SLC31A1: variants seen among roughly 807,000 people sequenced by gnomAD.
SLC31A1 encodes the protein solute carrier family 31 member 1.
Under a neutral mutation model 17.2 loss-of-function variants are expected in SLC31A1, and 5 were observed. That is an observed-to-expected ratio of 0.29 (90% CI 0.15 to 0.61). The LOEUF (loss-of-function observed/expected upper bound fraction) is 0.61, where lower values mean the gene tolerates loss of function less well. Among genes scored for constraint, SLC31A1 ranks in the 20% least tolerant of loss-of-function variants. SLC31A1 has a pLI of 0.86. For missense variants in SLC31A1, 161 were observed against 241.4 expected, an observed-to-expected ratio of 0.67 and a Z score of 2.21; for synonymous variants, 76 against 78.8, an observed-to-expected ratio of 0.96 and a Z score of 0.19.
chr9:113,258,796 G>A lies in SLC31A1; in HGVS notation c.305G>A (p.Arg102His), dbSNP rs755932953. 9 of 1,614,198 alleles carry A rather than the reference G, an allele frequency of 5.6e-6. No homozygotes were observed. The highest frequency in any genetic ancestry group is 2.2e-5 in the East Asian group (1 of 44,882). ...CTGCGTAAGTCACAAGTCAGCATTC[G>A]CTACAATTCCATGCCTGTCCCAGGA... ...SLLRKSQVSI[R>H]YNSMPVPGPN... Residue 102 changes from arginine to histidine, a missense_variant, in exon 4 of 5, where the codon CGC becomes CAC. Transcript: ENST00000374212. The surrounding 1 kb of genome is among the most constrained non-coding windows in gnomAD (Gnocchi z 4.8).
rs1034685621 is a variant in SLC31A1, at chr9:113,248,578, C to G, written c.-35-7536C>G. Among the ~76,000 whole-genome samples, 6 of 141,246 alleles carry G rather than the reference C, an allele frequency of 4.2e-5. No homozygotes were observed. The East Asian group carries it at 1.4e-3, about 33-fold the overall frequency. 92.7% of individuals were successfully genotyped at this position (141,246 alleles called of 152,430 possible). On this transcript the variant is annotated intron_variant, in intron 1 of 4. Coordinates refer to ENST00000374212, the MANE Select transcript of SLC31A1 (RefSeq NM_001859.4). ...TGGCCTCCCAGGTTCAAGTGATTCT[C>G]TTGCCTCAGCCTCCCAAGTAGCTAG...
intron 1 of SLC31A1, 91 bp from the exon 2 acceptor site, chr9:113,256,023 C>A: frequency 1.0e-6 from 1 of 963,254 alleles, no homozygotes; most frequent in Non-Finnish European, 1.5e-6. Context: ...CCAGCCTGGG[C>A]AACATAGCAA....
At chr9:113,241,384 A>G (rs1408529126) in intron 1 of SLC31A1, among the ~76,000 whole-genome samples, 1 of 152,202 alleles carries the variant, frequency 6.6e-6, no homozygotes, top group Non-Finnish European at 1.5e-5. Flanking sequence ...TCAAATAGCA[A>G]GATTCAGATT....
intron 3 of SLC31A1, among the ~76,000 whole-genome samples, chr9:113,257,696 C>T (rs145234425): frequency 0.06 from 9,051 of 151,922 alleles, 316 homozygotes; most frequent in African/African-American, 0.082. Flanking sequence ...CCATGTTTGC[C>T]AGGCTGGTCT....
chr9:113,257,272 T>C lies in SLC31A1; in HGVS notation c.202+87T>C, dbSNP rs1489827674. 3.7e-6 allele frequency: 4 copies of C among 1,086,032 alleles called. No homozygotes were observed. The South Asian group carries it at 5.0e-5, about 14-fold the overall frequency. The allele number at this position is 1,086,032 out of a possible 1,614,324, so 67.3% of individuals were successfully genotyped here. On this transcript the variant is annotated intron_variant, in intron 3 of 4. Coordinates refer to ENST00000374212, the MANE Select transcript of SLC31A1 (RefSeq NM_001859.4). ...TTTGGAAGTCCAGCACCTCTTTCTG[T>C]CCTAATTACTAAGTCAACATGGTAA... is the stretch of plus-strand genomic sequence containing the variant.
At chr9:113,245,641 T>G (rs958483394) in intron 1 of SLC31A1, among the ~76,000 whole-genome samples, 3 of 151,996 alleles carry the variant, frequency 2.0e-5, no homozygotes, top group South Asian at 2.1e-4. Flanking sequence ...CCACTAAGTT[T>G]TTTTTTTTTT....
chr9:113,257,020 C>A, intron 2 of SLC31A1, 93 bp from the exon 3 acceptor site: 1 of 1,035,390 alleles, frequency 9.7e-7, no homozygotes, highest in South Asian at 1.3e-5. Context: ...TTATCCAGAT[C>A]TTCTACTTTT....
chr9:113,221,857 C>T (rs1430637544), intron 1 of SLC31A1, among the ~76,000 whole-genome samples, 179 bp downstream of exon 1: 1 of 152,226 alleles, frequency 6.6e-6, no homozygotes, highest in East Asian at 1.9e-4. Context: ...GCCAGAGTGA[C>T]CTTGGGCCGG....
chr9:113,251,423 AAAAAT>A (rs1831651389), intron 1 of SLC31A1, among the ~76,000 whole-genome samples: 2 of 133,286 alleles, frequency 1.5e-5, no homozygotes, highest in Non-Finnish European at 3.3e-5. Flanking sequence ...CTCTATCTAA[AAAAAT>A]AAAAAATAAA....
intron 3 of SLC31A1, among the ~76,000 whole-genome samples, chr9:113,257,605 C>T (rs1237841090): frequency 1.3e-5 from 2 of 151,534 alleles, no homozygotes; most frequent in South Asian, 4.2e-4. Context: ...CCTGCCTCAG[C>T]CTCCTGAGTA....
chr9:113,236,362 TTTTG>T (rs1401159727), intron 1 of SLC31A1, among the ~76,000 whole-genome samples: 3 of 151,916 alleles, frequency 2.0e-5, no homozygotes, highest in South Asian at 4.2e-4. Context: ...TTTTGTTGTT[TTTTG>T]TTTGTTTGTT....
At chr9:113,249,189 G>A (rs1168541425) in intron 1 of SLC31A1, among the ~76,000 whole-genome samples, 1 of 151,026 alleles carries the variant, frequency 6.6e-6, no homozygotes, top group East Asian at 1.9e-4. Context: ...GTTAAGTCCT[G>A]TCACTCCGTT....
At chr9:113,225,915 C>A (rs2118980503) in intron 1 of SLC31A1, among the ~76,000 whole-genome samples, 1 of 152,292 alleles carries the variant, frequency 6.6e-6, no homozygotes, top group Middle Eastern at 3.4e-3. Flanking sequence ...AGGCAGATCA[C>A]CTGAGGTCAG....
At chr9:113,234,624 A>G (rs1439213374) in intron 1 of SLC31A1, among the ~76,000 whole-genome samples, 4 of 150,698 alleles carry the variant, frequency 2.7e-5, no homozygotes, top group African/African-American at 7.3e-5. Flanking sequence ...AGAATTGTCC[A>G]TGGAACTTGA....
chr9:113,240,142 A>G (rs1831506496), intron 1 of SLC31A1, among the ~76,000 whole-genome samples: 1 of 152,170 alleles, frequency 6.6e-6, no homozygotes, highest in African/African-American at 2.4e-5. Flanking sequence ...ATTCTCTGCC[A>G]CAGTTCATTT....
At position 113,260,799 on chromosome 9, in the gene SLC31A1, A is replaced by C. The variant is rs554263029; in HGVS notation, c.*326A>C. 2.8e-6 allele frequency: 1 copy of C among 351,994 alleles called. No homozygotes were observed. The highest frequency in any genetic ancestry group is 5.4e-6 in the Non-Finnish European group (1 of 184,282). 21.8% of individuals were successfully genotyped at this position (351,994 alleles called of 1,614,324 possible). A position where few individuals can be genotyped will look rare whatever the true frequency, so the allele number is the denominator to read the frequency against. ...TCTAATCCATGTAGCTTTTTGTTCA[A>C]TGACTTGATCATCTGCTTCCTTTTT... On this transcript the variant is annotated 3_prime_UTR_variant, in exon 5 of 5. Coordinates refer to ENST00000374212, the MANE Select transcript of SLC31A1 (RefSeq NM_001859.4).
At chr9:113,260,184 G>A (rs1468603767) in intron 4 of SLC31A1, 88 bp from the exon 5 acceptor site, 9 of 1,142,984 alleles carry the variant, frequency 7.9e-6, no homozygotes, top group Non-Finnish European at 9.3e-6. Context: ...AGTTCCAGCT[G>A]AGCTCATGGC....
Position 113,258,608 on chromosome 9 carries a change from C to T in SLC31A1, c.203-86C>T. On this transcript the variant is annotated intron_variant, in intron 3 of 4. Transcript: ENST00000374212. This position sits in a 1 kb window ranked among gnomAD's most constrained non-coding sequence, Gnocchi z 4.8. ...TCAAAAGCTGAGAGTAGCATTTTTTCTATGTGTCTTTCTAGCTGGACAGCA... is the reference window on the plus strand; with the variant it reads ...TCAAAAGCTGAGAGTAGCATTTTTTTTATGTGTCTTTCTAGCTGGACAGCA... 3 of 1,438,866 alleles carry T rather than the reference C, an allele frequency of 2.1e-6. No individual in the cohort carries two copies. The highest frequency in any genetic ancestry group is 1.7e-5 in the Admixed American group (1 of 58,828). 89.1% of individuals were successfully genotyped at this position (1,438,866 alleles called of 1,614,324 possible).
chr9:113,254,663 C>T (rs1341408994), intron 1 of SLC31A1, among the ~76,000 whole-genome samples: 1 of 152,100 alleles, frequency 6.6e-6, no homozygotes, highest in East Asian at 1.9e-4. Context: ...CTTTGGGAGG[C>T]CGAGTTGGAC....
Sources: allele counts gnomAD v4.1 joint callset (sites outside exome capture counted in the v4.1 genomes callset), GRCh38; gene constraint gnomAD v4.1.1; non-coding constraint Gnocchi (gnomAD v3.1); transcripts MANE v1.5; gene names NCBI Gene and HGNC (gene_info 2026-07-23, HGNC 2026-07-21).